Variants in DMD observed in about 807,000 individuals in gnomAD.
DMD encodes dystrophin, also known as mutant dystrophin.
In DMD, 63 loss-of-function variants were observed where a neutral mutation model predicts 330.1. The ratio of observed to expected loss-of-function variants is 0.19; its 90% CI spans 0.16 to 0.24. The LOEUF (loss-of-function observed/expected upper bound fraction) is 0.24, where lower values mean the gene tolerates loss of function less well. Ranked by LOEUF, DMD falls within the 10% of genes least tolerant of loss-of-function variation. The pLI is 1.00. For missense variants in DMD, 3,344 were observed against 2,684.1 expected (o/e 1.25, Z -5.43); for synonymous variants, 1,223 against 959.8 (o/e 1.27, Z -5.07).
intron 1 of DMD, among the ~76,000 whole-genome samples, chrX:33,107,316 C>T (rs1341075225): frequency 1.4e-5 from 1 of 71,088 alleles, no homozygotes; most frequent in Non-Finnish European, 2.9e-5. Context: ...CTGTCCCCCC[C>T]CCCCCCCCAA....
intron 55 of DMD, among the ~76,000 whole-genome samples, chrX:31,586,655 T>C (rs1208721706): frequency 6.2e-5 from 7 of 112,436 alleles, no homozygotes; most frequent in African/African-American, 9.7e-5. Flanking sequence ...ACTCTAAAGA[T>C]AGGCTGACAA....
At chrX:33,239,860 A>G (rs1335508932) in intron 1 of DMD, among the ~76,000 whole-genome samples, 1 of 111,671 alleles carries the variant, frequency 9.0e-6, no homozygotes, top group Non-Finnish European at 1.9e-5. Context: ...GAGCACTGAA[A>G]TGATGTCATA....
At chrX:32,201,476 C>G (rs1039273020) in intron 44 of DMD, among the ~76,000 whole-genome samples, 3 of 93,961 alleles carry the variant, frequency 3.2e-5, no homozygotes, top group Non-Finnish European at 6.7e-5. Flanking sequence ...AACACCCCCC[C>G]CCCCCCCAAC....
At chrX:32,314,213 A>G (rs1363972809) in intron 41 of DMD, among the ~76,000 whole-genome samples, 2 of 111,744 alleles carry the variant, frequency 1.8e-5, no homozygotes, top group African/African-American at 6.5e-5. Context: ...AGACCAACGG[A>G]ACAGAACAGA....
intron 2 of DMD, among the ~76,000 whole-genome samples, chrX:33,011,929 T>C (rs2093709504): frequency 9.0e-6 from 1 of 111,677 alleles, no homozygotes; most frequent in African/African-American, 3.2e-5. Context: ...AAGCTAAATA[T>C]GCTTGGCACT....
At chrX:31,997,659 T>C (rs1378511930) in intron 44 of DMD, among the ~76,000 whole-genome samples, 2 of 110,490 alleles carry the variant, frequency 1.8e-5, no homozygotes, top group Non-Finnish European at 3.8e-5. Context: ...CTTTGCAACT[T>C]AATGTGATGA....
At chrX:33,130,716 T>A (rs2095494252) in intron 1 of DMD, among the ~76,000 whole-genome samples, 1 of 110,072 alleles carries the variant, frequency 9.1e-6, no homozygotes, top group Admixed American at 9.7e-5. Flanking sequence ...CACGCCCAGC[T>A]AATTTTGTAT....
At chrX:32,731,687 C>G (rs2067683075) in intron 7 of DMD, among the ~76,000 whole-genome samples, 1 of 111,777 alleles carries the variant, frequency 8.9e-6, no homozygotes, top group African/African-American at 3.3e-5. Context: ...TCCAACAGAC[C>G]TGCAGCTGAG....
chrX:31,444,583 G>A lies in DMD; in HGVS notation c.8982C>T (p.His2994=), dbSNP rs1373425277. Residue 2994 remains histidine, a synonymous_variant, in exon 60 of 79, where the codon CAC becomes CAT. Coordinates refer to ENST00000357033, the MANE Select transcript of DMD (RefSeq NM_004006.3). ...TAAGCTGGCGAGCAAGGTCATTGAC[G>A]TGGCTCACGTTCTCTTTCAGAGGCG... ...EIAPLKENVS[H]VNDLARQLTT... 33 of 1,209,718 alleles carry A rather than the reference G, an allele frequency of 2.7e-5. No individual in the cohort carries two copies. Among genetic ancestry groups the A allele is most frequent in the Non-Finnish European group, 3.2e-5 (29 of 895,111 alleles).
chrX:33,238,277 T>C (rs949917460), intron 1 of DMD, among the ~76,000 whole-genome samples: 2 of 111,981 alleles, frequency 1.8e-5, no homozygotes, highest in African/African-American at 6.5e-5. Flanking sequence ...TTAGCTGGGT[T>C]CTAGCTCACA....
At chrX:32,519,411 A>C (rs1006269941) in intron 17 of DMD, among the ~76,000 whole-genome samples, 2 of 111,269 alleles carry the variant, frequency 1.8e-5, no homozygotes, top group African/African-American at 6.5e-5. Flanking sequence ...TAAATTTATC[A>C]GTAGATACCT....
At chrX:32,901,793 G>C (rs2086269643) in intron 2 of DMD, among the ~76,000 whole-genome samples, 2 of 110,495 alleles carry the variant, frequency 1.8e-5, no homozygotes, top group Non-Finnish European at 3.8e-5. Flanking sequence ...GTCTGAACAT[G>C]TGTAAAGCAA....
At chrX:32,330,513 C>T (rs931670277) in intron 41 of DMD, among the ~76,000 whole-genome samples, 2 of 111,948 alleles carry the variant, frequency 1.8e-5, no homozygotes, top group Non-Finnish European at 3.8e-5. Context: ...AACCCCACTG[C>T]AGAAGCCATC....
At chrX:32,449,761 A>G (rs1255589458) in intron 26 of DMD, among the ~76,000 whole-genome samples, 2 of 110,358 alleles carry the variant, frequency 1.8e-5, no homozygotes, top group African/African-American at 3.3e-5. Context: ...AAACACACAC[A>G]CATACACACT....
chrX:31,667,870 C>G lies in DMD; in HGVS notation c.7873-9726G>C, dbSNP rs967258255. On this transcript the variant is annotated intron_variant, in intron 53 of 78. Transcript: ENST00000357033. ...CCAAACTGTTTTCAAAGTTGTTTCA[C>G]CATTTTACATTTCCACCAGTAATGT... Among the ~76,000 whole-genome samples, 5 of 111,816 alleles carry G rather than the reference C, an allele frequency of 4.5e-5. No homozygotes were observed. The Admixed American group carries it at 4.7e-4, about 11-fold the overall frequency.
In DMD at chrX:33,149,215, C is replaced by G. The variant is rs775618497; in HGVS notation, c.31+62067G>C. Reference sequence around the variant, plus strand: ...GCTTTCTTTCCTGCAACTAGACGGTCCCATCTGGGCATGACGGGAGACAGT... The same window carrying G: ...GCTTTCTTTCCTGCAACTAGACGGTGCCATCTGGGCATGACGGGAGACAGT... On this transcript the variant is annotated intron_variant, in intron 1 of 78. Coordinates refer to ENST00000357033, the MANE Select transcript of DMD (RefSeq NM_004006.3). 5.4e-5 allele frequency among the ~76,000 whole-genome samples: 6 copies of G among 111,467 alleles called. No homozygotes were observed. The East Asian group carries it at 1.7e-3, about 31-fold the overall frequency.
intron 42 of DMD, among the ~76,000 whole-genome samples, chrX:32,306,402 T>C (rs1010649356): frequency 3.6e-5 from 4 of 111,064 alleles, no homozygotes; most frequent in African/African-American, 1.3e-4. Flanking sequence ...TCCCTTGTGG[T>C]CTCGAACTTG....
In DMD at chrX:31,562,957, C is replaced by T. The variant is rs545300507; in HGVS notation, c.8218-55504G>A. 2.7e-5 allele frequency among the ~76,000 whole-genome samples: 3 copies of T among 112,495 alleles called. No individual in the cohort carries two copies. In the South Asian group the frequency reaches 1.1e-3, roughly 41 times the overall value. On this transcript the variant is annotated intron_variant, in intron 55 of 78. Transcript: ENST00000357033. The stretch of plus-strand genomic sequence containing the variant: ...AATCTGTGTTTTCTAAGAGGAATTG[C>T]AAAGAGTGCTGGCACCATTTATTGA...
At chrX:32,383,704 G>A (rs2097940013) in intron 33 of DMD, among the ~76,000 whole-genome samples, 2 of 110,390 alleles carry the variant, frequency 1.8e-5, no homozygotes, top group South Asian at 7.5e-4. Flanking sequence ...TTACTATGTG[G>A]CAAATGGTTA....
Sources: allele counts gnomAD v4.1 joint callset (sites outside exome capture counted in the v4.1 genomes callset), GRCh38; gene constraint gnomAD v4.1.1; transcripts MANE v1.5; gene names NCBI Gene and HGNC (gene_info 2026-07-23, HGNC 2026-07-21).